Variants in CCDC102B observed in about 807,000 individuals in gnomAD.
CCDC102B encodes the protein coiled-coil domain-containing protein 102B.
CCDC102B carries 75 observed loss-of-function variants against 57.4 expected under a neutral mutation model. The observed-to-expected ratio is 1.31, with a 90% CI of 1.08 to 1.58. The LOEUF is 1.58. Among genes scored for constraint, CCDC102B ranks in the 40% most tolerant of loss-of-function variants. The pLI, the probability that CCDC102B is intolerant of heterozygous loss-of-function variation, is 0.00. For synonymous variants in CCDC102B, 206 were observed against 201.9 expected, an observed-to-expected ratio of 1.02 and a Z score of -0.17; for missense variants, 636 against 582.6, an observed-to-expected ratio of 1.09 and a Z score of -0.94.
intron 6 of CCDC102B, among the ~76,000 whole-genome samples, chr18:68,938,790 A>C (rs1052986746): frequency 6.6e-6 from 1 of 151,628 alleles, no homozygotes; most frequent in Non-Finnish European, 1.5e-5. Context: ...CAGATATTTT[A>C]AAACAAATAT....
At chr18:68,774,821 T>TC (rs2144620660) in intron 2 of CCDC102B, among the ~76,000 whole-genome samples, 1 of 151,916 alleles carries the variant, frequency 6.6e-6, no homozygotes, top group African/African-American at 2.4e-5. Flanking sequence ...CATTTAATAA[T>TC]CCTAATAGTT....
chr18:68,969,855 C>G (rs535571112), intron 6 of CCDC102B, among the ~76,000 whole-genome samples: 84 of 151,960 alleles, frequency 5.5e-4, no homozygotes, highest in African/African-American at 1.9e-3. Context: ...AGCATGTAAT[C>G]AGAAATATTA....
At chr18:69,051,842 T>C (rs2052713578) in intron 7 of CCDC102B, among the ~76,000 whole-genome samples, 1 of 151,668 alleles carries the variant, frequency 6.6e-6, no homozygotes, top group South Asian at 2.1e-4. Context: ...AGGAAAAAAA[T>C]AAAATTGGGT....
intron 6 of CCDC102B, among the ~76,000 whole-genome samples, chr18:69,001,444 CACAG>C (rs2145361026): frequency 6.6e-6 from 1 of 150,948 alleles, no homozygotes; most frequent in African/African-American, 2.4e-5. Context: ...AAATTAGGCC[CACAG>C]ACAATTTAAA....
intron 2 of CCDC102B, chr18:68,721,526 T>C (rs2032328587): frequency 2.0e-5 from 3 of 151,788 alleles, no homozygotes; most frequent in Admixed American, 2.0e-4. Context: ...GTGAGCTTCA[T>C]CCAGAAAAAA....
intron 2 of CCDC102B, among the ~76,000 whole-genome samples, chr18:68,784,277 G>A (rs1488199875): frequency 1.3e-5 from 2 of 151,620 alleles, no homozygotes; most frequent in African/African-American, 4.9e-5. Context: ...CAAAGGGTGA[G>A]TGAGGCGTCT....
intron 7 of CCDC102B, among the ~76,000 whole-genome samples, chr18:69,015,893 C>T (rs2051651295): frequency 1.3e-5 from 2 of 152,148 alleles, no homozygotes; most frequent in South Asian, 2.1e-4. Context: ...CTCCCTCTGT[C>T]ACCCAGGCTG....
intron 7 of CCDC102B, among the ~76,000 whole-genome samples, chr18:69,042,770 GAA>G (rs1202049564): frequency 6.6e-6 from 1 of 152,000 alleles, no homozygotes; most frequent in Non-Finnish European, 1.5e-5. Flanking sequence ...TAATATTTAT[GAA>G]AATAAACTTT....
At chr18:68,831,055 G>T (rs1418239737) in intron 1 of CCDC102B, among the ~76,000 whole-genome samples, 24 of 151,806 alleles carry the variant, frequency 1.6e-4, no homozygotes. Context: ...GATCTATGAG[G>T]TTATTATTAT....
intron 2 of CCDC102B, among the ~76,000 whole-genome samples, chr18:68,779,089 A>G (rs888870958): frequency 6.6e-6 from 1 of 152,048 alleles, no homozygotes; most frequent in Admixed American, 6.6e-5. Context: ...CCTTTTTTCT[A>G]CGAGGTTGAC....
intron 5 of CCDC102B, among the ~76,000 whole-genome samples, chr18:68,878,440 T>C (rs949717844): frequency 1.3e-4 from 20 of 152,214 alleles, no homozygotes; most frequent in African/African-American, 4.3e-4. Context: ...CGTTGGTCAC[T>C]AGTATGGTCT....
intron 6 of CCDC102B, among the ~76,000 whole-genome samples, chr18:69,002,458 G>A (rs1382528100): frequency 3.3e-5 from 5 of 152,116 alleles, no homozygotes; most frequent in Admixed American, 6.6e-5. Context: ...AGCGCCAAAT[G>A]TTTGTGAAAA....
intron 6 of CCDC102B, among the ~76,000 whole-genome samples, chr18:68,981,852 G>C (rs1224235322): frequency 6.6e-6 from 1 of 151,954 alleles, no homozygotes; most frequent in Non-Finnish European, 1.5e-5. Flanking sequence ...TGGGTTTTCT[G>C]TCCTTGAGAT....
intron 2 of CCDC102B, among the ~76,000 whole-genome samples, chr18:68,729,618 A>G (rs1051069912): frequency 1.3e-5 from 2 of 152,204 alleles, no homozygotes; most frequent in African/African-American, 4.8e-5. Context: ...AAAACAATTA[A>G]TTTGGGTCCA....
intron 6 of CCDC102B, among the ~76,000 whole-genome samples, chr18:69,009,923 G>C (rs1423535670): frequency 2.6e-5 from 1 of 38,482 alleles, no homozygotes; most frequent in Non-Finnish European, 6.8e-5. Context: ...TTTTAATAAA[G>C]ATTTTTTTTT....
chr18:68,851,716 A>C (rs904247780), intron 4 of CCDC102B, among the ~76,000 whole-genome samples: 28 of 152,168 alleles, frequency 1.8e-4, no homozygotes, highest in African/African-American at 6.5e-4. Flanking sequence ...AAACACAATC[A>C]AAAGAAAACA....
At chr18:68,979,083 C>T (rs2050510154) in intron 6 of CCDC102B, among the ~76,000 whole-genome samples, 5 of 152,008 alleles carry the variant, frequency 3.3e-5, no homozygotes, top group South Asian at 2.1e-4. Context: ...GCTGCAGTAT[C>T]GTCTGTGCTG....
intron 1 of CCDC102B, among the ~76,000 whole-genome samples, chr18:68,716,120 TC>T (rs2031965397): frequency 6.8e-6 from 1 of 147,368 alleles, no homozygotes; most frequent in African/African-American, 2.7e-5. Context: ...TTCCTTTTTT[TC>T]TTTTTTTTTT....
At chr18:68,937,717 T>G (rs2049278489) in intron 6 of CCDC102B, among the ~76,000 whole-genome samples, 1 of 152,028 alleles carries the variant, frequency 6.6e-6, no homozygotes, top group Non-Finnish European at 1.5e-5. Flanking sequence ...GTCACCTACA[T>G]TAGGTATTTC....
Sources: gnomAD v4.1 joint callset for allele counts (sites outside exome capture counted in the v4.1 genomes callset) on GRCh38, gnomAD v4.1.1 for gene constraint, MANE v1.5 for transcripts, NCBI Gene and HGNC (gene_info 2026-07-23, HGNC 2026-07-21) for gene names.